Variants in RPH3A observed in about 807,000 individuals in gnomAD.
RPH3A encodes the protein rabphilin 3A, also known as rabphilin-3A.
In RPH3A, 48 loss-of-function variants were observed where a neutral mutation model predicts 102.2. That is an observed-to-expected ratio of 0.47 (90% confidence interval 0.37 to 0.60). The LOEUF is 0.60. Among genes scored for constraint, RPH3A ranks in the 20% least tolerant of loss-of-function variants. The pLI, the probability that RPH3A is intolerant of heterozygous loss-of-function variation, is 0.00. For missense variants in RPH3A, 781 were observed against 910.1 expected, an observed-to-expected ratio of 0.86 and a Z score of 1.83; for synonymous variants, 310 against 324.3, an observed-to-expected ratio of 0.96 and a Z score of 0.47.
At chr12:112,815,237 C>A (rs2041651611) in intron 2 of RPH3A, among the ~76,000 whole-genome samples, 1 of 152,138 alleles carries the variant, frequency 6.6e-6, no homozygotes, top group Non-Finnish European at 1.5e-5. Context: ...TCTGGAGGCG[C>A]AAATAGAAAT....
chr12:112,894,636 A>G lies in RPH3A; in HGVS notation c.1834A>G (p.Thr612Ala). Reference sequence around the variant, plus strand: ...ACACAAGACTCAAATTAAAAAGAAAACCTTGAATCCCGAATTCAATGAGGT... The same window carrying G: ...ACACAAGACTCAAATTAAAAAGAAAGCCTTGAATCCCGAATTCAATGAGGT... Reference protein sequence around the residue: ...AKHKTQIKKKTLNPEFNEEFF... With the variant: ...AKHKTQIKKKALNPEFNEEFF... The change falls in exon 20 of 22, where the codon ACC (threonine) becomes GCC (alanine). Residue 612 changes from threonine to alanine, a missense_variant. Transcript: ENST00000389385. 4 of 1,613,740 alleles carry G rather than the reference A, an allele frequency of 2.5e-6. No homozygotes were observed. The highest frequency in any genetic ancestry group is 3.4e-6 in the Non-Finnish European group (4 of 1,179,918).
chr12:112,637,488 AG>A (rs766360459), intron 1 of RPH3A, among the ~76,000 whole-genome samples: 6 of 152,186 alleles, frequency 3.9e-5, no homozygotes, highest in Non-Finnish European at 5.9e-5. Context: ...TTGTATTAGA[AG>A]GGAGAAATAC....
intron 1 of RPH3A, among the ~76,000 whole-genome samples, chr12:112,770,601 C>A (rs915242244): frequency 6.6e-6 from 1 of 152,154 alleles, no homozygotes; most frequent in Non-Finnish European, 1.5e-5. Flanking sequence ...GCCTTGGCCT[C>A]CTAAAGTGTT....
intron 1 of RPH3A, among the ~76,000 whole-genome samples, chr12:112,723,518 T>G (rs1331247772): frequency 6.6e-6 from 1 of 152,164 alleles, no homozygotes; most frequent in Admixed American, 6.5e-5. Context: ...CAACTCGACT[T>G]TTTCTTGTAA....
At position 112,761,596 on chromosome 12, in the gene RPH3A, C is replaced by T. The variant is rs150926625; in HGVS notation, c.-139-30547C>T. Among the ~76,000 whole-genome samples, 32 of 152,356 alleles carry T rather than the reference C, an allele frequency of 2.1e-4. No individual in the cohort carries two copies. The East Asian group carries it at 6.0e-3, about 28-fold the overall frequency. On this transcript the variant is annotated intron_variant, in intron 1 of 21. Coordinates refer to the RPH3A transcript ENST00000543106. ...GTGTTGCAAGAGGCGGGGCTCCTGG[C>T]AGCTGCCTGCTTCTCCTTCCTCTTG...
intron 13 of RPH3A, 88 bp downstream of exon 13, chr12:112,876,954 G>A (rs2042814073): frequency 1.1e-6 from 1 of 935,870 alleles, no homozygotes; most frequent in African/African-American, 1.7e-5. Flanking sequence ...GAACAGCCCT[G>A]TCTATCCCCA....
intron 4 of RPH3A, chr12:112,841,980 A>T: frequency 2.2e-6 from 1 of 456,024 alleles, no homozygotes; most frequent in Non-Finnish European, 4.4e-6. Flanking sequence ...ATAGGCAAGG[A>T]ATTGATTTGG....
intron 1 of RPH3A, among the ~76,000 whole-genome samples, chr12:112,749,001 G>A (rs373363457): frequency 5.1e-4 from 77 of 152,202 alleles, no homozygotes; most frequent in African/African-American, 1.8e-3. Context: ...GGATCCTTGA[G>A]GATGCTCTCA....
At chr12:112,797,619 C>T (rs566523120) in intron 2 of RPH3A, among the ~76,000 whole-genome samples, 1 of 151,940 alleles carries the variant, frequency 6.6e-6, no homozygotes, top group Non-Finnish European at 1.5e-5. Flanking sequence ...GTGGCAAGGC[C>T]TTAATAATCA....
chr12:112,788,152 G>A (rs2041063925), upstream of RPH3A, among the ~76,000 whole-genome samples: 1 of 152,258 alleles, frequency 6.6e-6, no homozygotes. Flanking sequence ...GGTGACCAGG[G>A]AGGTGGGCAG....
chr12:112,784,288 T>C (rs565107672), intron 1 of RPH3A, among the ~76,000 whole-genome samples: 18 of 152,116 alleles, frequency 1.2e-4, no homozygotes, highest in Non-Finnish European at 2.2e-4. Flanking sequence ...TCAGTCCAGC[T>C]CAGGTCCAAC....
At chr12:112,794,047 C>A (rs1166239490) in intron 2 of RPH3A, among the ~76,000 whole-genome samples, 1 of 152,220 alleles carries the variant, frequency 6.6e-6, no homozygotes, top group Non-Finnish European at 1.5e-5. Flanking sequence ...AAATATCTCT[C>A]CACTGGGTCA....
At chr12:112,600,922 G>A (rs905002387) in intron 1 of RPH3A, among the ~76,000 whole-genome samples, 1 of 152,164 alleles carries the variant, frequency 6.6e-6, no homozygotes, top group Non-Finnish European at 1.5e-5. Context: ...CAATCATGGT[G>A]GAAGTCACCT....
At chr12:112,746,404 G>A (rs151333507) in intron 1 of RPH3A, among the ~76,000 whole-genome samples, 102 of 152,200 alleles carry the variant, frequency 6.7e-4, no homozygotes, top group African/African-American at 2.3e-3. Flanking sequence ...GTCAGGGAAG[G>A]TGTAGAAGCC....
chr12:112,772,901 C>A (rs1200038752), intron 1 of RPH3A, among the ~76,000 whole-genome samples: 3 of 152,054 alleles, frequency 2.0e-5, no homozygotes, highest in Non-Finnish European at 4.4e-5. Context: ...CTCTTCCCCT[C>A]AAGTATCCAA....
intron 20 of RPH3A, 151 bp downstream of exon 20, chr12:112,894,810 T>A: frequency 1.4e-6 from 1 of 732,870 alleles, no homozygotes; most frequent in Non-Finnish European, 2.2e-6. Flanking sequence ...GAAAAATATT[T>A]GAGAACATGC....
chr12:112,716,391 C>T (rs1013650124), intron 1 of RPH3A, among the ~76,000 whole-genome samples: 4 of 152,214 alleles, frequency 2.6e-5, no homozygotes, highest in Admixed American at 1.3e-4. Context: ...GTTCAGTGAG[C>T]ATCCATTTGT....
At chr12:112,826,501 C>G (rs2041876097) in intron 2 of RPH3A, among the ~76,000 whole-genome samples, 1 of 152,158 alleles carries the variant, frequency 6.6e-6, no homozygotes, top group African/African-American at 2.4e-5. Context: ...ATGGCCTTTG[C>G]AGATGTATAT....
At chr12:112,685,657 C>A (rs961207498) in intron 1 of RPH3A, among the ~76,000 whole-genome samples, 74 of 152,100 alleles carry the variant, frequency 4.9e-4, no homozygotes, top group African/African-American at 1.7e-3. Context: ...TCAGTTTTTC[C>A]CAGCCTTTGG....
Sources: gnomAD v4.1 joint callset for allele counts (sites outside exome capture counted in the v4.1 genomes callset) on GRCh38, gnomAD v4.1.1 for gene constraint, MANE v1.5 for transcripts, NCBI Gene and HGNC (gene_info 2026-07-23, HGNC 2026-07-21) for gene names.